The following ACMSD variants were observed in gnomAD, a reference collection of about 807,000 sequenced individuals.
The protein encoded by ACMSD is aminocarboxymuconate semialdehyde decarboxylase, also known as 2-amino-3-carboxymuconate-6-semialdehyde decarboxylase.
A neutral mutation model predicts 45.9 loss-of-function variants in ACMSD; 37 were observed. The ratio of observed to expected loss-of-function variants is 0.81; its 90% CI spans 0.62 to 1.06. The LOEUF is 1.06. ACMSD is among the 50% of genes least tolerant of loss of function. The pLI is 0.00. For missense variants in ACMSD, 434 were observed against 420.9 expected (o/e 1.03, Z -0.27); for synonymous variants, 138 against 148.8 (o/e 0.93, Z 0.53).
At chr2:134,861,176 G>A (rs987247590) in intron 3 of ACMSD, among the ~76,000 whole-genome samples, 15 of 152,278 alleles carry the variant, frequency 9.9e-5, no homozygotes, top group Admixed American at 7.8e-4. Context: ...GAGAGCTGGA[G>A]AAAGAACATG....
chr2:134,847,449 T>TAGAC (rs200146419), intron 2 of ACMSD, among the ~76,000 whole-genome samples: 2 of 128,596 alleles, frequency 1.6e-5, no homozygotes, highest in Non-Finnish European at 3.3e-5. Context: ...GATAGATAGA[T>TAGAC]ATAGATAGAG....
At chr2:134,851,189 A>G (rs1687325839) in intron 2 of ACMSD, among the ~76,000 whole-genome samples, 1 of 152,062 alleles carries the variant, frequency 6.6e-6, no homozygotes, top group South Asian at 2.1e-4. Context: ...GGAATATTAT[A>G]TTTTCTTTAT....
intron 8 of ACMSD, among the ~76,000 whole-genome samples, chr2:134,889,797 G>A (rs1164365198): frequency 1.3e-5 from 2 of 152,000 alleles, no homozygotes; most frequent in Non-Finnish European, 2.9e-5. Context: ...ACCTGAAGAG[G>A]TGATTCACAT....
intron 2 of ACMSD, among the ~76,000 whole-genome samples, chr2:134,850,273 T>C (rs1268092276): frequency 7.2e-5 from 8 of 110,348 alleles, no homozygotes; most frequent in Non-Finnish European, 1.5e-4. Flanking sequence ...AGATTTCTTT[T>C]TTTTTTTTTT....
At chr2:134,867,498 A>G in intron 5 of ACMSD, 81 bp from the exon 6 acceptor site, 1 of 1,073,614 alleles carries the variant, frequency 9.3e-7, no homozygotes, top group Non-Finnish European at 1.4e-6. Context: ...CTCAGAGAAA[A>G]GCAGTTTCCC....
In ACMSD at chr2:134,901,716, T is replaced by G. The variant is rs900082794; in HGVS notation, c.949-82T>G. 17 of 994,100 alleles carry G rather than the reference T, an allele frequency of 1.7e-5. No individual in the cohort carries two copies. In the Admixed American group the frequency reaches 4.8e-4, roughly 28 times the overall value. The allele number at this position is 994,100 out of a possible 1,614,324, so 61.6% of individuals were successfully genotyped here. ...TTTCTCTCATATTGGGGAGCTGATT[T>G]TTTTAAACCTGATCAATGTAGTACT... On this transcript the variant is annotated intron_variant, in intron 9 of 9. Coordinates refer to ENST00000356140, the MANE Select transcript of ACMSD (RefSeq NM_138326.3).
At chr2:134,890,080 A>G (rs1689690973) in intron 8 of ACMSD, among the ~76,000 whole-genome samples, 4 of 152,094 alleles carry the variant, frequency 2.6e-5, no homozygotes, top group Non-Finnish European at 5.9e-5. Context: ...GAAAAGGACA[A>G]GATATTTAAA....
intron 2 of ACMSD, among the ~76,000 whole-genome samples, chr2:134,849,993 C>T (rs1687255934): frequency 6.7e-6 from 1 of 149,262 alleles, no homozygotes. Context: ...CACACACACA[C>T]ACACACGTGA....
At chr2:134,891,832 T>C (rs961751418) in intron 8 of ACMSD, among the ~76,000 whole-genome samples, 2 of 152,126 alleles carry the variant, frequency 1.3e-5, no homozygotes, top group African/African-American at 4.8e-5. Context: ...TTAATCTAAG[T>C]GTCCATCAGT....
At chr2:134,883,692 A>C (rs1049464657) in intron 8 of ACMSD, among the ~76,000 whole-genome samples, 2 of 152,104 alleles carry the variant, frequency 1.3e-5, no homozygotes, top group Non-Finnish European at 2.9e-5. Flanking sequence ...AGGTCTCACC[A>C]TGTTGCCCAG....
chr2:134,861,838 T>G, intron 3 of ACMSD, 131 bp from the exon 4 acceptor site: 1 of 927,036 alleles, frequency 1.1e-6, no homozygotes, highest in Middle Eastern at 2.4e-4. Flanking sequence ...GGGAGAGGAC[T>G]GAGAGGGACG....
chr2:134,860,677 A>G (rs1276436666), intron 3 of ACMSD, among the ~76,000 whole-genome samples: 2 of 152,116 alleles, frequency 1.3e-5, no homozygotes, highest in South Asian at 4.2e-4. Flanking sequence ...GCATGTTGGA[A>G]TTTGTTGTAG....
At chr2:134,849,101 G>A (rs1279626212) in intron 2 of ACMSD, among the ~76,000 whole-genome samples, 1 of 151,878 alleles carries the variant, frequency 6.6e-6, no homozygotes, top group Non-Finnish European at 1.5e-5. Context: ...AGGCAGCTGT[G>A]ATTTTTTTTT....
intron 6 of ACMSD, among the ~76,000 whole-genome samples, chr2:134,869,517 A>G (rs892111271): frequency 6.6e-6 from 1 of 152,034 alleles, no homozygotes; most frequent in African/African-American, 2.4e-5. Flanking sequence ...CCAGCCCACA[A>G]ACTTATTTAT....
chr2:134,847,397 CAGAT>C (rs1213803670), intron 2 of ACMSD, among the ~76,000 whole-genome samples: 8,984 of 81,260 alleles, frequency 0.11, 380 homozygotes, highest in Non-Finnish European at 0.16. Flanking sequence ...TTTGGGGATA[CAGAT>C]AGATAGATAG....
intron 5 of ACMSD, among the ~76,000 whole-genome samples, chr2:134,866,760 T>C (rs1215553801): frequency 2.6e-5 from 4 of 152,212 alleles, no homozygotes; most frequent in African/African-American, 9.6e-5. Context: ...TCAATGCCTG[T>C]TGAGGAGACT....
At chr2:134,840,180 AAAAAAAAAAAAAAC>A (rs1241603203) in intron 1 of ACMSD, among the ~76,000 whole-genome samples, 8 of 140,042 alleles carry the variant, frequency 5.7e-5, no homozygotes, top group African/African-American at 8.0e-5. Flanking sequence ...AAAAAAAAAA[AAAAAAAAAAAAAAC>A]CACTAATTCC....
In ACMSD at chr2:134,889,523, A is replaced by G. The variant is rs911914247; in HGVS notation, c.850-8818A>G. ...AACCAACTGAATTGTCCAACAGGTCAAAAATAGTTTTAAAGATAAAATAAA... is the reference window on the plus strand; with the variant it reads ...AACCAACTGAATTGTCCAACAGGTCGAAAATAGTTTTAAAGATAAAATAAA... On this transcript the variant is annotated intron_variant, in intron 8 of 9. Transcript: ENST00000356140. Among the ~76,000 whole-genome samples the G allele has an allele frequency of 3.7e-4, 57 of 152,210 alleles. 1 individual carries two copies. Among genetic ancestry groups the G allele is most frequent in the Non-Finnish European group, 1.2e-4 (8 of 68,014 alleles).
intron 8 of ACMSD, among the ~76,000 whole-genome samples, chr2:134,874,013 A>G (rs1299848766): frequency 6.6e-6 from 1 of 152,218 alleles, no homozygotes; most frequent in African/African-American, 2.4e-5. Flanking sequence ...CACCAGGAGA[A>G]AACACCATTG....
Sources: allele counts gnomAD v4.1 joint callset (sites outside exome capture counted in the v4.1 genomes callset), GRCh38; gene constraint gnomAD v4.1.1; transcripts MANE v1.5; gene names NCBI Gene and HGNC (gene_info 2026-07-23, HGNC 2026-07-21).